The following RASAL2 variants were observed in gnomAD, a reference collection of about 807,000 sequenced individuals.
RASAL2 encodes ras GTPase-activating protein nGAP.
In RASAL2, 58 loss-of-function variants were observed where a neutral mutation model predicts 128.9. That is an observed-to-expected ratio of 0.45 (90% CI 0.36 to 0.56). The LOEUF is 0.56. RASAL2 is among the 20% of genes least tolerant of loss of function. The pLI, the probability that RASAL2 is intolerant of heterozygous loss-of-function variation, is 0.00. For missense variants in RASAL2, 1,360 were observed against 1,601.6 expected, an observed-to-expected ratio of 0.85 and a Z score of 2.57; for synonymous variants, 561 against 580.8, an observed-to-expected ratio of 0.97 and a Z score of 0.49.
At chr1:178,253,099 G>A (rs765390097) in intron 1 of RASAL2, among the ~76,000 whole-genome samples, 15 of 152,108 alleles carry the variant, frequency 9.9e-5, no homozygotes, top group Non-Finnish European at 1.8e-4. Flanking sequence ...AAGACTCTGA[G>A]GGAAAATCTG....
chr1:178,444,822 A>G (rs1293443653), intron 8 of RASAL2, among the ~76,000 whole-genome samples: 1 of 152,212 alleles, frequency 6.6e-6, no homozygotes, highest in Non-Finnish European at 1.5e-5. Flanking sequence ...CACCTAATAT[A>G]TGCCAGAAAC....
intron 5 of RASAL2, among the ~76,000 whole-genome samples, chr1:178,432,167 AC>A (rs1015720997): frequency 1.3e-5 from 2 of 151,944 alleles, no homozygotes; most frequent in African/African-American, 4.8e-5. Flanking sequence ...CCTGTTTCAA[AC>A]CCATGTCTCC....
chr1:178,220,729 A>G lies in RASAL2; in HGVS notation c.203-62835A>G, dbSNP rs747980978. On this transcript the variant is annotated intron_variant, in intron 1 of 17. Coordinates refer to ENST00000367649, the MANE Select transcript of RASAL2 (RefSeq NM_170692.4). ...AGTAATATGTATTTAAGGTTCTTCC[A>G]TGTCTTTTCATAGCTTGATGGCTCA... 2.0e-5 allele frequency among the ~76,000 whole-genome samples: 3 copies of G among 152,206 alleles called. No homozygotes were observed. In the East Asian group the frequency reaches 5.8e-4, roughly 29 times the overall value.
intron 1 of RASAL2, among the ~76,000 whole-genome samples, chr1:178,255,204 A>C (rs1665272671): frequency 6.6e-6 from 1 of 152,200 alleles, no homozygotes; most frequent in Non-Finnish European, 1.5e-5. Flanking sequence ...TACTAAAGGA[A>C]GTTCTTCAGG....
At chr1:178,243,562 A>G (rs1341372692) in intron 1 of RASAL2, among the ~76,000 whole-genome samples, 1 of 150,616 alleles carries the variant, frequency 6.6e-6, no homozygotes, top group African/African-American at 2.5e-5. Context: ...CCTCCCCATC[A>G]TTACCCCTTG....
intron 2 of RASAL2, among the ~76,000 whole-genome samples, chr1:178,285,010 C>T (rs1347738221): frequency 6.6e-6 from 1 of 151,942 alleles, no homozygotes; most frequent in African/African-American, 2.4e-5. Context: ...CTTACCTATC[C>T]CTTCTCTTTC....
At chr1:178,451,548 C>T (rs1358242882) in intron 9 of RASAL2, 23 bp from the exon 10 acceptor site, 7 of 1,609,380 alleles carry the variant, frequency 4.3e-6, no homozygotes, top group South Asian at 2.2e-5. Flanking sequence ...ATAGCTATAC[C>T]GTTATCTTCT....
chr1:178,436,352 T>G (rs1385948415), intron 5 of RASAL2, among the ~76,000 whole-genome samples: 50 of 152,256 alleles, frequency 3.3e-4, no homozygotes, highest in South Asian at 6.2e-4. Context: ...AACTATGTAT[T>G]AATTAAAATT....
intron 3 of RASAL2, among the ~76,000 whole-genome samples, chr1:178,372,769 T>C (rs533948166): frequency 1.3e-4 from 20 of 152,294 alleles, no homozygotes; most frequent in African/African-American, 4.3e-4. Flanking sequence ...ATATTTGTAA[T>C]GCTTATATAT....
chr1:178,189,808 A>G (rs1024425293), intron 1 of RASAL2, among the ~76,000 whole-genome samples: 2 of 152,146 alleles, frequency 1.3e-5, no homozygotes, highest in African/African-American at 2.4e-5. Context: ...TTATGTTTCT[A>G]TCTTTTGCAA....
At chr1:178,332,502 A>C (rs1482499918) in intron 3 of RASAL2, among the ~76,000 whole-genome samples, 1 of 152,008 alleles carries the variant, frequency 6.6e-6, no homozygotes, top group Non-Finnish European at 1.5e-5. Flanking sequence ...ACAACAAAAC[A>C]AAACAAAAAA....
chr1:178,345,998 C>T (rs1186914103), intron 3 of RASAL2, among the ~76,000 whole-genome samples: 1 of 152,192 alleles, frequency 6.6e-6, no homozygotes, highest in East Asian at 1.9e-4. Flanking sequence ...TATTTCAATG[C>T]TTTCAACATG....
chr1:178,361,685 C>G (rs1220776110), intron 3 of RASAL2, among the ~76,000 whole-genome samples: 1 of 152,038 alleles, frequency 6.6e-6, no homozygotes, highest in Non-Finnish European at 1.5e-5. Flanking sequence ...GAAGATTTTT[C>G]CATGGACAGG....
At chr1:178,211,061 G>C (rs1402260629) in intron 1 of RASAL2, among the ~76,000 whole-genome samples, 1 of 152,200 alleles carries the variant, frequency 6.6e-6, no homozygotes, top group Admixed American at 6.5e-5. Flanking sequence ...CCTGGTCTCT[G>C]ACTTTTATCC....
chr1:178,328,576 A>G (rs1669146724), intron 3 of RASAL2, among the ~76,000 whole-genome samples: 1 of 152,228 alleles, frequency 6.6e-6, no homozygotes, highest in Non-Finnish European at 1.5e-5. Context: ...AAAATAAAGA[A>G]TAGTTATAAA....
At chr1:178,429,693 C>T (rs564559314) in intron 5 of RASAL2, among the ~76,000 whole-genome samples, 1 of 152,182 alleles carries the variant, frequency 6.6e-6, no homozygotes, top group Non-Finnish European at 1.5e-5. Context: ...CCCAGTCTTT[C>T]CCTCTCAATA....
At chr1:178,146,653 G>A (rs1344468394) in intron 1 of RASAL2, among the ~76,000 whole-genome samples, 2 of 152,216 alleles carry the variant, frequency 1.3e-5, no homozygotes, top group African/African-American at 2.4e-5. Context: ...TCTTGGCTGA[G>A]TATGTGTGCC....
At chr1:178,179,273 G>C (rs1661995906) in intron 1 of RASAL2, among the ~76,000 whole-genome samples, 1 of 152,106 alleles carries the variant, frequency 6.6e-6, no homozygotes, top group Non-Finnish European at 1.5e-5. Context: ...GAGCACAATT[G>C]GTTCTCCAGC....
chr1:178,448,195 C>T (rs1488717857), intron 9 of RASAL2, among the ~76,000 whole-genome samples: 1 of 151,822 alleles, frequency 6.6e-6, no homozygotes, highest in African/African-American at 2.4e-5. Context: ...AAAGAGAGAG[C>T]ATCCAAAAAA....
Sources: gnomAD v4.1 joint callset for allele counts (sites outside exome capture counted in the v4.1 genomes callset) on GRCh38, gnomAD v4.1.1 for gene constraint, MANE v1.5 for transcripts, NCBI Gene and HGNC (gene_info 2026-07-23, HGNC 2026-07-21) for gene names.